Variants in GPR39 observed in about 807,000 individuals in gnomAD.
The protein encoded by GPR39 is G protein-coupled receptor 39, also known as zinc sensing receptor.
In GPR39, 23 loss-of-function variants were observed where a neutral mutation model predicts 18.4. The ratio of observed to expected loss-of-function variants is 1.25; its 90% CI spans 0.90 to 1.77. The LOEUF (loss-of-function observed/expected upper bound fraction) is 1.77, where lower values mean the gene tolerates loss of function less well. Ranked by LOEUF, GPR39 falls within the 40% of genes most tolerant of loss-of-function variation. GPR39 has a pLI of 0.00. For missense variants in GPR39, 647 were observed against 602.4 expected, an observed-to-expected ratio of 1.07 and a Z score of -0.78; for synonymous variants, 280 against 257.9, an observed-to-expected ratio of 1.09 and a Z score of -0.82.
At chr2:132,518,841 T>C (rs190357628) in intron 1 of GPR39, among the ~76,000 whole-genome samples, 1 of 152,362 alleles carries the variant, frequency 6.6e-6, no homozygotes, top group East Asian at 1.9e-4. Context: ...TTCTGTTTTG[T>C]AGTAAGTCTT....
intron 1 of GPR39, among the ~76,000 whole-genome samples, chr2:132,583,144 C>T (rs1680658870): frequency 6.6e-6 from 1 of 151,950 alleles, no homozygotes; most frequent in Non-Finnish European, 1.5e-5. Flanking sequence ...CACTCCTGAC[C>T]TCAAGTGATC....
chr2:132,434,609 G>A lies in GPR39; in HGVS notation c.856+16711G>A, dbSNP rs771862452. ...TAAAGACCTTTAAGTCTCATTACAC[G>A]TGGTACTCTATGGAAAGGATTGTCA... On this transcript the variant is annotated intron_variant, in intron 1 of 1. Transcript: ENST00000329321. Among the ~76,000 whole-genome samples the A allele has an allele frequency of 6.0e-4, 91 of 152,112 alleles. 1 individual carries two copies. The highest frequency in any genetic ancestry group is 1.2e-3 in the Non-Finnish European group (81 of 68,024).
intron 1 of GPR39, among the ~76,000 whole-genome samples, chr2:132,435,258 C>T (rs1478125345): frequency 1.3e-5 from 2 of 152,138 alleles, no homozygotes; most frequent in African/African-American, 4.8e-5. Context: ...TTCACCCCTT[C>T]TGCCTCTGCC....
At chr2:132,600,126 A>G (rs1159877422) in intron 1 of GPR39, among the ~76,000 whole-genome samples, 1 of 152,254 alleles carries the variant, frequency 6.6e-6, no homozygotes, top group Non-Finnish European at 1.5e-5. Flanking sequence ...ATACATGAAT[A>G]TTAAACAAAA....
chr2:132,595,087 C>T (rs963445176), intron 1 of GPR39, among the ~76,000 whole-genome samples: 2 of 152,164 alleles, frequency 1.3e-5, no homozygotes, highest in African/African-American at 2.4e-5. Context: ...CAGCCTCCGC[C>T]GCACAGGCTT....
At chr2:132,575,429 T>C (rs1254779502) in intron 1 of GPR39, among the ~76,000 whole-genome samples, 1 of 152,234 alleles carries the variant, frequency 6.6e-6, no homozygotes, top group Non-Finnish European at 1.5e-5. Context: ...CTTGGAAAAC[T>C]ATACTAAAAT....
intron 1 of GPR39, among the ~76,000 whole-genome samples, chr2:132,549,770 G>A (rs1476602474): frequency 6.6e-6 from 1 of 151,972 alleles, no homozygotes; most frequent in Non-Finnish European, 1.5e-5. Context: ...TCCGGTGACA[G>A]AGCACGACTC....
chr2:132,638,638 A>G (rs545684364), intron 1 of GPR39, among the ~76,000 whole-genome samples: 3 of 152,360 alleles, frequency 2.0e-5, no homozygotes, highest in South Asian at 2.1e-4. Flanking sequence ...AGTGAGATCA[A>G]CATCTCAGCT....
Position 132,646,149 on chromosome 2 carries a change from C to T in GPR39, c.*543C>T, listed in dbSNP as rs775735234. On this transcript the variant is annotated 3_prime_UTR_variant, in exon 2 of 2. Transcript: ENST00000329321. ...CTTCCCCTTTTCTTGGGCCTTGGCCCGTTACAAAGAGGGGTGTTGCAGCAG... is the reference window on the plus strand; with the variant it reads ...CTTCCCCTTTTCTTGGGCCTTGGCCTGTTACAAAGAGGGGTGTTGCAGCAG... 6.2e-6 allele frequency: 10 copies of T among 1,611,510 alleles called. No homozygotes were observed. Among genetic ancestry groups the T allele is most frequent in the African/African-American group, 4.0e-5 (3 of 74,878 alleles).
chr2:132,580,833 A>G (rs533536202), intron 1 of GPR39, among the ~76,000 whole-genome samples: 2 of 152,044 alleles, frequency 1.3e-5, no homozygotes, highest in South Asian at 2.1e-4. Flanking sequence ...GTGGTGGTGC[A>G]TGCCTGTAAT....
chr2:132,506,870 ATT>A (rs58949125), intron 1 of GPR39, among the ~76,000 whole-genome samples: 22 of 150,062 alleles, frequency 1.5e-4, no homozygotes, highest in East Asian at 9.7e-4. Flanking sequence ...TGTTTCTCCT[ATT>A]TTTTTTTTTC....
At chr2:132,581,184 G>A (rs1237736580) in intron 1 of GPR39, among the ~76,000 whole-genome samples, 2 of 151,942 alleles carry the variant, frequency 1.3e-5, no homozygotes, top group East Asian at 1.9e-4. Flanking sequence ...TTCTTTCTGC[G>A]GGCTTTATTT....
chr2:132,530,529 G>A (rs565036620), intron 1 of GPR39, among the ~76,000 whole-genome samples: 58 of 152,058 alleles, frequency 3.8e-4, no homozygotes, highest in African/African-American at 1.3e-3. Flanking sequence ...TCCTTGAGAA[G>A]ACCAACTCCA....
intron 1 of GPR39, among the ~76,000 whole-genome samples, chr2:132,500,023 A>T (rs1304808289): frequency 6.6e-6 from 1 of 152,146 alleles, no homozygotes; most frequent in Non-Finnish European, 1.5e-5. Context: ...TCATATCATC[A>T]GCAAACAGCA....
chr2:132,543,631 T>G (rs1264432750), intron 1 of GPR39, among the ~76,000 whole-genome samples: 1 of 152,216 alleles, frequency 6.6e-6, no homozygotes, highest in Non-Finnish European at 1.5e-5. Flanking sequence ...GTGCGTGTTA[T>G]CTGGGTTGGG....
At chr2:132,544,027 A>T (rs1481059170) in intron 1 of GPR39, among the ~76,000 whole-genome samples, 1 of 152,226 alleles carries the variant, frequency 6.6e-6, no homozygotes, top group African/African-American at 2.4e-5. Flanking sequence ...AATTTAGAAC[A>T]GAGAATGGCA....
intron 1 of GPR39, among the ~76,000 whole-genome samples, chr2:132,455,137 T>A (rs900761353): frequency 1.1e-4 from 16 of 152,212 alleles, no homozygotes; most frequent in Admixed American, 5.2e-4. Context: ...GGTAGGCTAT[T>A]AATTATTGCC....
chr2:132,611,628 GAA>G (rs35004928), intron 1 of GPR39, among the ~76,000 whole-genome samples: 3 of 144,070 alleles, frequency 2.1e-5, no homozygotes, highest in Admixed American at 6.9e-5. Context: ...TTGATTTGCA[GAA>G]AAAAAAAAAA....
At chr2:132,515,271 G>C (rs1679312079) in intron 1 of GPR39, among the ~76,000 whole-genome samples, 1 of 152,222 alleles carries the variant, frequency 6.6e-6, no homozygotes, top group African/African-American at 2.4e-5. Context: ...GAAAATGCAA[G>C]CTGCTGACCA....
Sources: gnomAD v4.1 joint callset for allele counts (sites outside exome capture counted in the v4.1 genomes callset) on GRCh38, gnomAD v4.1.1 for gene constraint, MANE v1.5 for transcripts, NCBI Gene and HGNC (gene_info 2026-07-23, HGNC 2026-07-21) for gene names.